Variants in HTT observed in about 807,000 individuals in gnomAD.
The protein encoded by HTT is huntingtin.
HTT carries 104 observed loss-of-function variants against 362.3 expected under a neutral mutation model. That is an observed-to-expected ratio of 0.29 (90% CI 0.24 to 0.34). The LOEUF (loss-of-function observed/expected upper bound fraction) is 0.34. HTT is among the 10% of genes least tolerant of loss of function. The pLI, the probability that HTT is intolerant of heterozygous loss-of-function variation, is 1.00. For missense variants in HTT, 3,301 were observed against 3,928.6 expected (o/e 0.84, Z 4.27); for synonymous variants, 1,577 against 1,548.7 (o/e 1.02, Z -0.43).
chr4:3,142,362 G>A (rs1379779219), intron 22 of HTT, among the ~76,000 whole-genome samples: 1 of 152,054 alleles, frequency 6.6e-6, no homozygotes, highest in Non-Finnish European at 1.5e-5. Context: ...AAAGGAATTA[G>A]AGTTTGTATA....
At chr4:3,095,774 T>C (rs773067137) in intron 2 of HTT, among the ~76,000 whole-genome samples, 2 of 152,156 alleles carry the variant, frequency 1.3e-5, no homozygotes, top group Non-Finnish European at 2.9e-5. Context: ...CAAGGAATTA[T>C]AGCTAATGAA....
rs1350276105 is a variant in HTT at position 3,130,397 on chromosome 4, A to G, written c.1960A>G (p.Thr654Ala). ...VDKFVLRDEA[T>A]EPGDQENKPC... ...TAAATTTGTGTTGAGAGATGAAGCT[A>G]CTGAACCGGGTGATCAAGAAAACAA... is the stretch of plus-strand genomic sequence containing the variant. The change falls in exon 14 of 67, where the codon ACT (threonine) becomes GCT (alanine). Residue 654 changes from threonine to alanine, a missense_variant. By Grantham distance (58) the Thr-to-Ala change is moderately conservative. This residue lies in a region of HTT where 2,316 missense variants were observed against 2,658.5 expected (regional missense o/e 0.87). Coordinates refer to ENST00000355072, the MANE Select transcript of HTT (RefSeq NM_001388492.1). 2 of 1,603,652 alleles carry G rather than the reference A, an allele frequency of 1.2e-6. No individual in the cohort carries two copies. Among genetic ancestry groups the G allele is most frequent in the East Asian group, 4.5e-5 (2 of 44,528 alleles).
At chr4:3,115,815 A>G (rs1280163190) in intron 7 of HTT, among the ~76,000 whole-genome samples, 1 of 152,214 alleles carries the variant, frequency 6.6e-6, no homozygotes, top group East Asian at 1.9e-4. Flanking sequence ...AACTGTGGAA[A>G]CGAACACTGG....
At position 3,127,544 on chromosome 4, in the gene HTT, C is replaced by A; in HGVS notation, c.1683C>A (p.Ser561Arg). The change falls in exon 12 of 67, where the codon AGC becomes AGA. Residue 561 changes from serine to arginine, a missense_variant. By Grantham distance (110) the Ser-to-Arg change is moderately radical. This residue lies in a region of HTT where 2,316 missense variants were observed against 2,658.5 expected (regional missense o/e 0.87). Coordinates refer to ENST00000355072, the MANE Select transcript of HTT (RefSeq NM_001388492.1). ...GTQASSPISDSSQTTTEGPDS... is the reference protein window; with the variant it reads ...GTQASSPISDRSQTTTEGPDS... ...AGGCCTCGTCGCCCATCAGCGACAG[C>A]TCCCAGACCACCACCGAAGGGCCTG... 1 of 1,614,152 alleles carries A rather than the reference C, an allele frequency of 6.2e-7. No homozygotes were observed. The highest frequency in any genetic ancestry group is 8.5e-7 in the Non-Finnish European group (1 of 1,179,984).
At position 3,178,459 on chromosome 4, in the gene HTT, A is replaced by G; in HGVS notation, c.4612+13A>G. ...GCTGTGACACATGGTAACGGGACAC[A>G]CCTTTCACTGTCGTCTTCGGTGTCG... On this transcript the variant is annotated intron_variant, in intron 35 of 66. Transcript: ENST00000355072. 1 of 1,609,936 alleles carries G rather than the reference A, an allele frequency of 6.2e-7. No homozygotes were observed. Among genetic ancestry groups the G allele is most frequent in the Non-Finnish European group, 8.5e-7 (1 of 1,178,168 alleles).
chr4:3,199,143 C>T (rs986978926), intron 40 of HTT, among the ~76,000 whole-genome samples: 32 of 152,220 alleles, frequency 2.1e-4, no homozygotes, highest in Admixed American at 2.6e-4. Context: ...TTCAGACTTT[C>T]GCAGCTCTTG....
At chr4:3,197,849 C>G in intron 40 of HTT, among the ~76,000 whole-genome samples, 1 of 152,238 alleles carries the variant, frequency 6.6e-6, no homozygotes, top group South Asian at 2.1e-4. Context: ...CCCTACATCC[C>G]GGGTCTGTCC....
intron 8 of HTT, among the ~76,000 whole-genome samples, chr4:3,119,132 A>G (rs1715172111): frequency 6.6e-6 from 1 of 152,232 alleles, no homozygotes; most frequent in African/African-American, 2.4e-5. Flanking sequence ...CTAGGCATGC[A>G]GTAAAAGCAA....
chr4:3,191,175 CTTTCT>C (rs1422852283), intron 40 of HTT, among the ~76,000 whole-genome samples: 8 of 148,988 alleles, frequency 5.4e-5, no homozygotes, highest in South Asian at 4.2e-4. Context: ...TTCTTTCTTT[CTTTCT>C]TTTTTTTTTT....
At chr4:3,150,763 G>T (rs962848320) in intron 26 of HTT, among the ~76,000 whole-genome samples, 1 of 152,212 alleles carries the variant, frequency 6.6e-6, no homozygotes, top group Non-Finnish European at 1.5e-5. Flanking sequence ...CAGGCCGTGC[G>T]TGGTGGCTCA....
rs536938253 is a variant in HTT, at chr4:3,113,199, G to T, written c.748-2105G>T. ...TCTTGGGATTGTAGAGATTAGACCT[G>T]AGGAGGCCCCTTGGAGCTCTCTGAC... On this transcript the variant is annotated intron_variant, in intron 6 of 66. Coordinates refer to ENST00000355072, the MANE Select transcript of HTT (RefSeq NM_001388492.1). 4 of 158,796 alleles carry T rather than the reference G, an allele frequency of 2.5e-5. No homozygotes were observed. In the South Asian group the frequency reaches 8.1e-4, roughly 32 times the overall value. The allele number at this position is 158,796 out of a possible 1,614,324, so 9.8% of individuals were successfully genotyped here.
At chr4:3,187,386 A>C (rs1247470715) in intron 38 of HTT, among the ~76,000 whole-genome samples, 2 of 152,136 alleles carry the variant, frequency 1.3e-5, no homozygotes, top group East Asian at 3.9e-4. Context: ...CGATCTCCTG[A>C]CCTTGTGATC....
At chr4:3,142,094 T>C (rs1716375615) in intron 22 of HTT, among the ~76,000 whole-genome samples, 1 of 152,204 alleles carries the variant, frequency 6.6e-6, no homozygotes, top group Admixed American at 6.5e-5. Flanking sequence ...GCAGGCCTCT[T>C]GACAATTCAG....
At chr4:3,085,846 A>T (rs1353218592) in intron 1 of HTT, among the ~76,000 whole-genome samples, 1 of 152,244 alleles carries the variant, frequency 6.6e-6, no homozygotes, top group Non-Finnish European at 1.5e-5. Context: ...CTGTGAAGAC[A>T]TCTGAAGCCA....
chr4:3,136,934 T>A (rs1171549235), intron 21 of HTT, among the ~76,000 whole-genome samples: 1 of 152,062 alleles, frequency 6.6e-6, no homozygotes, highest in Non-Finnish European at 1.5e-5. Context: ...TTTTTATTTT[T>A]TTTTTGAGAC....
At chr4:3,188,731 A>C (rs1192464127) in intron 39 of HTT, 3 of 503,298 alleles carry the variant, frequency 6.0e-6, no homozygotes, top group African/African-American at 5.8e-5. Context: ...AAAGCTTAAA[A>C]AAATGCTACC....
chr4:3,230,175 C>A, intron 60 of HTT, 133 bp downstream of exon 60: 1 of 687,568 alleles, frequency 1.5e-6, no homozygotes, highest in Non-Finnish European at 2.5e-6. Context: ...GACTCCACGG[C>A]CCACGTGAGC....
At chr4:3,105,609 T>G (rs1398390496) in intron 5 of HTT, among the ~76,000 whole-genome samples, 173 bp downstream of exon 5, 1 of 152,250 alleles carries the variant, frequency 6.6e-6, no homozygotes, top group Non-Finnish European at 1.5e-5. Context: ...AATTGTCACG[T>G]ACAGTCTATC....
chr4:3,210,034 C>CTTG, intron 47 of HTT, 85 bp downstream of exon 47: 2 of 1,524,298 alleles, frequency 1.3e-6, no homozygotes, highest in Middle Eastern at 1.8e-4. Context: ...ATGTGACCCA[C>CTTG]TTGTTGACAA....
Sources: gnomAD v4.1 joint callset for allele counts (sites outside exome capture counted in the v4.1 genomes callset) on GRCh38, gnomAD v4.1.1 for gene constraint, gnomAD v4.1.1 regional missense constraint, MANE v1.5 for transcripts, NCBI Gene and HGNC (gene_info 2026-07-23, HGNC 2026-07-21) for gene names.